Variants in PAQR3 observed in about 807,000 individuals in gnomAD.
The protein encoded by PAQR3 is Raf kinase trapping to Golgi.
A neutral mutation model predicts 41.7 loss-of-function variants in PAQR3; 39 were observed. The observed-to-expected ratio is 0.93, with a 90% confidence interval of 0.72 to 1.22. The LOEUF is 1.22. PAQR3 is among the 50% of genes most tolerant of loss of function. The probability of loss-of-function intolerance (pLI) is 0.00; values close to 1 mark genes in which losing one functional copy is unlikely to be tolerated. For missense variants in PAQR3, 366 were observed against 385.6 expected, an observed-to-expected ratio of 0.95 and a Z score of 0.42; for synonymous variants, 140 against 140.6, an observed-to-expected ratio of 1.00 and a Z score of 0.03.
At position 78,918,272 on chromosome 4, in the gene PAQR3, A is replaced by G. The variant is rs1735291263; in HGVS notation, c.*2267T>C. 1.1e-6 allele frequency: 1 copy of G among 934,628 alleles called. No individual in the cohort carries two copies. Among genetic ancestry groups the G allele is most frequent in the Non-Finnish European group, 1.3e-6 (1 of 783,518 alleles). 57.9% of individuals were successfully genotyped at this position (934,628 alleles called of 1,614,324 possible). A position where few individuals can be genotyped will look rare whatever the true frequency, so the allele number is the denominator to read the frequency against. ...TAATCTATAAAAACAAAAATAACTTAAATATACATCATTACAAGGCTCAGA... is the reference window on the plus strand; with the variant it reads ...TAATCTATAAAAACAAAAATAACTTGAATATACATCATTACAAGGCTCAGA... On this transcript the variant is annotated 3_prime_UTR_variant, in exon 6 of 6. Coordinates refer to ENST00000512733, the MANE Select transcript of PAQR3 (RefSeq NM_001040202.2).
Position 78,918,240 on chromosome 4 carries a change from CTTACT to C in PAQR3, c.*2294_*2298del, listed in dbSNP as rs1388120412. 17 of 880,746 alleles carry C rather than the reference CTTACT, an allele frequency of 1.9e-5. No individual in the cohort carries two copies. Among genetic ancestry groups the C allele is most frequent in the Admixed American group, 6.3e-5 (1 of 15,840 alleles). The allele number at this position is 880,746 out of a possible 1,614,324, so 54.6% of individuals were successfully genotyped here. A position where few individuals can be genotyped will look rare whatever the true frequency, so the allele number is the denominator to read the frequency against. ...ATAAAACTGGATAGTATATTTTAAT[CTTACT>C]TTAATCTATAAAAACAAAAATAACT... On this transcript the variant is annotated 3_prime_UTR_variant, in exon 6 of 6. Coordinates refer to ENST00000512733, the MANE Select transcript of PAQR3 (RefSeq NM_001040202.2).
intron 12 of PAQR3, chr4:78,887,349 T>C: frequency 8.3e-7 from 1 of 1,205,606 alleles, no homozygotes; most frequent in Non-Finnish European, 1.2e-6. Flanking sequence ...AGCAAAATCT[T>C]ATAAAGTGGA....
chr4:78,893,538 G>T (rs962395966), intron 11 of PAQR3, among the ~76,000 whole-genome samples: 1 of 152,182 alleles, frequency 6.6e-6, no homozygotes. Flanking sequence ...ATCTGTAACA[G>T]TTATAACCTT....
downstream of PAQR3, chr4:78,911,564 A>G: frequency 6.8e-6 from 11 of 1,614,068 alleles, no homozygotes; most frequent in Non-Finnish European, 8.5e-6. Flanking sequence ...AGCACAAAGA[A>G]GACTTTGAAG....
downstream of PAQR3, among the ~76,000 whole-genome samples, chr4:78,908,866 T>C (rs1734419815): frequency 6.6e-6 from 1 of 151,946 alleles, no homozygotes. Context: ...GGTAAATGGG[T>C]TTCTATCACG....
In PAQR3 at chr4:78,930,374, A is replaced by T. The variant is rs776036168; in HGVS notation, c.349-49T>A. 23 of 1,545,986 alleles carry T rather than the reference A, an allele frequency of 1.5e-5. 2 individuals are homozygous for T. In the South Asian group the frequency reaches 2.2e-4, roughly 15 times the overall value. Reference sequence around the variant, plus strand: ...ACAAAGTGACTAAAGAAACTAAAGCAACTTATGCATGATATTCAGGGAAGT... The same window carrying T: ...ACAAAGTGACTAAAGAAACTAAAGCTACTTATGCATGATATTCAGGGAAGT... On this transcript the variant is annotated intron_variant, in intron 2 of 5. Transcript: ENST00000512733.
In PAQR3 at chr4:78,920,427, C is replaced by A; in HGVS notation, c.*112G>T. 1 of 1,393,572 alleles carries A rather than the reference C, an allele frequency of 7.2e-7. No individual in the cohort carries two copies. The highest frequency in any genetic ancestry group is 2.0e-5 in the South Asian group (1 of 51,140). The allele number at this position is 1,393,572 out of a possible 1,614,324, so 86.3% of individuals were successfully genotyped here. ...TTTCCCATTTTTATAAAGCATTACTCATATTAAAAAGGAAAAAGGGAAAAC... is the reference window on the plus strand; with the variant it reads ...TTTCCCATTTTTATAAAGCATTACTAATATTAAAAAGGAAAAAGGGAAAAC... On this transcript the variant is annotated 3_prime_UTR_variant, in exon 6 of 6. Coordinates refer to ENST00000512733, the MANE Select transcript of PAQR3 (RefSeq NM_001040202.2).
intron 2 of PAQR3, chr4:78,933,059 A>G: frequency 7.2e-6 from 3 of 417,112 alleles, no homozygotes; most frequent in South Asian, 3.4e-5. Context: ...CTAGGTTTCA[A>G]CCACAAAAAC....
intron 2 of PAQR3, among the ~76,000 whole-genome samples, chr4:78,933,707 G>A (rs766365863): frequency 5.3e-5 from 8 of 152,184 alleles, no homozygotes; most frequent in African/African-American, 9.7e-5. Context: ...GCAAGTCACT[G>A]TAATATTTTG....
At position 78,915,580 on chromosome 4, in the gene PAQR3, GTTTA is replaced by G. The variant is rs750485225; in HGVS notation, c.*4955_*4958del. ...GTGAGAATACCATAAATGATGAATA[GTTTA>G]TTTGAGAACTTTTATACTCAGTGGT... On this transcript the variant is annotated 3_prime_UTR_variant, in exon 6 of 6. Coordinates refer to ENST00000512733, the MANE Select transcript of PAQR3 (RefSeq NM_001040202.2). The G allele has an allele frequency of 1.6e-4, 25 of 151,894 alleles. No individual in the cohort carries two copies. The highest frequency in any genetic ancestry group is 3.9e-4 in the East Asian group (2 of 5,178). The allele number at this position is 151,894 out of a possible 1,614,324, so 9.4% of individuals were successfully genotyped here. A position where few individuals can be genotyped will look rare whatever the true frequency, so the allele number is the denominator to read the frequency against.
At chr4:78,900,528 CTG>C (rs1733943635) in intron 11 of PAQR3, among the ~76,000 whole-genome samples, 1 of 152,112 alleles carries the variant, frequency 6.6e-6, no homozygotes, top group African/African-American at 2.4e-5. Context: ...CTCCTTGAGA[CTG>C]GGAATAGCTG....
intron 5 of PAQR3, chr4:78,921,825 G>A: frequency 1.0e-6 from 1 of 985,026 alleles, no homozygotes; most frequent in Non-Finnish European, 1.2e-6. Context: ...ACTTTTCACT[G>A]GAAAGACTTA....
chr4:78,895,608 A>G (rs1352766867), intron 11 of PAQR3, among the ~76,000 whole-genome samples: 1 of 152,184 alleles, frequency 6.6e-6, no homozygotes, highest in Non-Finnish European at 1.5e-5. Context: ...GGAAAAAATA[A>G]GAAGATGGAT....
intron 2 of PAQR3, chr4:78,933,132 T>C: frequency 2.2e-6 from 1 of 455,534 alleles, no homozygotes; most frequent in African/African-American, 2.0e-5. Flanking sequence ...CCTGCTTAAA[T>C]GCCCTGCCTC....
chr4:78,891,942 G>A (rs368599045), intron 11 of PAQR3, among the ~76,000 whole-genome samples: 5 of 152,230 alleles, frequency 3.3e-5, no homozygotes, highest in South Asian at 2.1e-4. Flanking sequence ...ATGCCAAACC[G>A]ACACTGAATT....
chr4:78,889,006 G>A (rs1733266509), intron 11 of PAQR3, among the ~76,000 whole-genome samples: 2 of 152,150 alleles, frequency 1.3e-5, no homozygotes, highest in South Asian at 4.1e-4. Flanking sequence ...CGGATCATGA[G>A]GTCAGGAGAT....
At chr4:78,907,222 A>G (rs1734330984), downstream of PAQR3, among the ~76,000 whole-genome samples, 1 of 152,342 alleles carries the variant, frequency 6.6e-6, no homozygotes, top group African/African-American at 2.4e-5. Flanking sequence ...CCACAGATTT[A>G]TACCCACACT....
rs777315430 is a variant in PAQR3 at position 78,920,508 on chromosome 4, C to T, written c.*31G>A. ...CAATTCCCCATTATATATTGCTTAACAACTGAATTCACCAGGTGGCCATAC... is the reference window on the plus strand; with the variant it reads ...CAATTCCCCATTATATATTGCTTAATAACTGAATTCACCAGGTGGCCATAC... On this transcript the variant is annotated 3_prime_UTR_variant, in exon 6 of 6. Transcript: ENST00000512733. 1.9e-6 allele frequency: 3 copies of T among 1,595,690 alleles called. No individual in the cohort carries two copies. Among genetic ancestry groups the T allele is most frequent in the Non-Finnish European group, 2.6e-6 (3 of 1,171,336 alleles).
At chr4:78,927,487 G>A (rs1217841208) in intron 3 of PAQR3, among the ~76,000 whole-genome samples, 2 of 152,222 alleles carry the variant, frequency 1.3e-5, no homozygotes, top group Non-Finnish European at 2.9e-5. Flanking sequence ...GACTCCTGTT[G>A]AATAAAGTAG....
Sources: gnomAD v4.1 joint callset for allele counts (sites outside exome capture counted in the v4.1 genomes callset) on GRCh38, gnomAD v4.1.1 for gene constraint, MANE v1.5 for transcripts, NCBI Gene and HGNC (gene_info 2026-07-23, HGNC 2026-07-21) for gene names.